The following SDK1 variants were observed in gnomAD, a reference collection of about 807,000 sequenced individuals.
SDK1 encodes protein sidekick-1.
Under a neutral mutation model 245.5 loss-of-function variants are expected in SDK1, and 157 were observed. The ratio of observed to expected loss-of-function variants is 0.64; its 90% CI spans 0.56 to 0.73. The LOEUF is 0.73. Among genes scored for constraint, SDK1 ranks in the 30% least tolerant of loss-of-function variants. The pLI, the probability that SDK1 is intolerant of heterozygous loss-of-function variation, is 0.00. For missense variants in SDK1, 3,583 were observed against 3,002.3 expected, an observed-to-expected ratio of 1.19 and a Z score of -4.52; for synonymous variants, 1,647 against 1,278.5, an observed-to-expected ratio of 1.29 and a Z score of -6.15.
chr7:3,950,865 G>A (rs1780781760), intron 5 of SDK1, 58 bp from the exon 6 acceptor site: 15 of 1,314,548 alleles, frequency 1.1e-5, no homozygotes, highest in African/African-American at 2.9e-5. Context: ...CTCAGATAAC[G>A]GCGGGGGGTG....
At chr7:3,495,960 A>C (rs974686696) in intron 1 of SDK1, among the ~76,000 whole-genome samples, 1 of 152,214 alleles carries the variant, frequency 6.6e-6, no homozygotes, top group African/African-American at 2.4e-5. Flanking sequence ...TTTTGCATAC[A>C]ACTAGAACAT....
chr7:4,045,831 ACTCATGGATTTCCTGTCGTT>A (rs1421783568), intron 17 of SDK1, among the ~76,000 whole-genome samples: 3 of 151,964 alleles, frequency 2.0e-5, no homozygotes, highest in African/African-American at 7.3e-5. Context: ...GGTTCTCTTC[ACTCATGGATTTCCTGTCGTT>A]CTATTGGCTT....
chr7:3,744,549 C>T (rs534028390), intron 4 of SDK1, among the ~76,000 whole-genome samples: 172 of 152,172 alleles, frequency 1.1e-3, no homozygotes, highest in Middle Eastern at 6.8e-3. Context: ...TGGTGGCTCA[C>T]GCCTGTAATC....
intron 10 of SDK1, 76 bp from the exon 11 acceptor site, chr7:3,969,181 T>C: frequency 1.5e-6 from 2 of 1,330,360 alleles, no homozygotes; most frequent in Non-Finnish European, 1.0e-6. Flanking sequence ...ATTACTTGCT[T>C]ATGGCTCTAA....
chr7:3,403,853 ATATATATATATATATAAT>A (rs1228177295), intron 1 of SDK1, among the ~76,000 whole-genome samples: 24 of 91,708 alleles, frequency 2.6e-4, no homozygotes, highest in African/African-American at 1.2e-3. Flanking sequence ...ATATATATAT[ATATATATATATATATAAT>A]ATATATATTT....
rs538780540 is a variant in SDK1, at chr7:3,940,971, A to T, written c.848-9952A>T. Among the ~76,000 whole-genome samples, 3 of 151,712 alleles carry T rather than the reference A, an allele frequency of 2.0e-5. No individual in the cohort carries two copies. In the South Asian group the frequency reaches 6.3e-4, roughly 32 times the overall value. ...ACCCCCTGAACCTGCGCACCTGGGT[A>T]CCCCGCAGGCACGTCTTAGGAAGCT... On this transcript the variant is annotated intron_variant, in intron 5 of 44. Transcript: ENST00000404826.
chr7:4,265,375 C>T lies in SDK1; in HGVS notation c.6633C>T (p.Ser2211=), dbSNP rs1788403735. 13 of 1,438,668 alleles carry T rather than the reference C, an allele frequency of 9.0e-6. No homozygotes were observed. Among genetic ancestry groups the T allele is most frequent in the South Asian group, 8.9e-5 (6 of 67,370 alleles). 89.1% of individuals were successfully genotyped at this position (1,438,668 alleles called of 1,614,324 possible). A position where few individuals can be genotyped will look rare whatever the true frequency, so the allele number is the denominator to read the frequency against. ...GARTPLTGFS[S]FV is the part of the protein sequence containing the mutation. ...GAACTCCGCTCACCGGCTTCTCCTC[C>T]TTCGTGTGAGCAAAGCGCCGCGCCT... Residue 2211 remains serine (S), a synonymous_variant, in exon 45 of 45, where the codon TCC becomes TCT. Transcript: ENST00000404826.
chr7:3,312,504 A>G (rs1779573730), intron 1 of SDK1, among the ~76,000 whole-genome samples: 1 of 152,220 alleles, frequency 6.6e-6, no homozygotes, highest in Non-Finnish European at 1.5e-5. Context: ...CAGATTAGAA[A>G]AATAACATGG....
intron 1 of SDK1, among the ~76,000 whole-genome samples, chr7:3,421,092 CTTT>C (rs570530094): frequency 2.9e-5 from 4 of 137,086 alleles, no homozygotes; most frequent in African/African-American, 1.1e-4. Flanking sequence ...CTGTACTCTC[CTTT>C]TTTTTTTTTT....
At chr7:3,479,421 CAAAAAA>C (rs56094646) in intron 1 of SDK1, among the ~76,000 whole-genome samples, 1 of 66,570 alleles carries the variant, frequency 1.5e-5, no homozygotes, top group Non-Finnish European at 2.7e-5. Context: ...GACTGTGTCT[CAAAAAA>C]AAAAAAAAAA....
At chr7:3,322,123 C>T (rs545208671) in intron 1 of SDK1, among the ~76,000 whole-genome samples, 14 of 151,776 alleles carry the variant, frequency 9.2e-5, no homozygotes, top group African/African-American at 1.5e-4. Flanking sequence ...CCTCTAGTTC[C>T]GGGACAGTTT....
chr7:3,369,329 G>C (rs887279478), intron 1 of SDK1, among the ~76,000 whole-genome samples: 2 of 152,102 alleles, frequency 1.3e-5, no homozygotes, highest in African/African-American at 2.4e-5. Flanking sequence ...ACGTGACCCA[G>C]TGCACCCACC....
At chr7:4,194,403 TATGCAC>T (rs1783455483) in intron 35 of SDK1, among the ~76,000 whole-genome samples, 1 of 118,304 alleles carries the variant, frequency 8.5e-6, no homozygotes, top group Non-Finnish European at 1.8e-5. Flanking sequence ...TACATATATG[TATGCAC>T]ATATGTGTAT....
rs758298351 is a variant in SDK1, at chr7:3,951,715, C to G, written c.960-15C>G. On this transcript the variant is annotated splice_polypyrimidine_tract_variant and intron_variant, in intron 6 of 44. Coordinates refer to ENST00000404826, the MANE Select transcript of SDK1 (RefSeq NM_152744.4). ...GAGTCACAATCGTCGTCATGAATGC[C>G]TTTCATTCCCACAGGCCTGTGGAGG... 7 of 1,611,042 alleles carry G rather than the reference C, an allele frequency of 4.3e-6. No homozygotes were observed. The African/African-American group carries it at 9.3e-5, about 22-fold the overall frequency.
intron 1 of SDK1, among the ~76,000 whole-genome samples, chr7:3,355,432 C>T (rs1583732672): frequency 6.6e-6 from 1 of 152,200 alleles, no homozygotes; most frequent in East Asian, 1.9e-4. Flanking sequence ...CTTCCTGCTG[C>T]CTCAGCCTCC....
chr7:4,112,998 C>A (rs946357654), intron 23 of SDK1, among the ~76,000 whole-genome samples: 11 of 152,128 alleles, frequency 7.2e-5, no homozygotes, highest in Admixed American at 2.0e-4. Flanking sequence ...AGGTGATCCC[C>A]CGCTGCCTCC....
chr7:3,911,598 C>T (rs1010984864), intron 5 of SDK1, among the ~76,000 whole-genome samples: 23 of 152,200 alleles, frequency 1.5e-4, no homozygotes, highest in African/African-American at 5.5e-4. Flanking sequence ...ATGCTATGAC[C>T]TTGGGTAGCA....
chr7:4,207,587 T>A (rs945550471), intron 36 of SDK1, among the ~76,000 whole-genome samples: 1 of 152,124 alleles, frequency 6.6e-6, no homozygotes, highest in Admixed American at 6.5e-5. Flanking sequence ...TGAGGAAAAC[T>A]TAGATGTCGG....
chr7:3,380,968 G>T (rs1319527317), intron 1 of SDK1, among the ~76,000 whole-genome samples: 4 of 152,142 alleles, frequency 2.6e-5, no homozygotes, highest in African/African-American at 9.7e-5. Flanking sequence ...TCAAACTGGA[G>T]CACATTGCTG....
Sources: allele counts gnomAD v4.1 joint callset (sites outside exome capture counted in the v4.1 genomes callset), GRCh38; gene constraint gnomAD v4.1.1; transcripts MANE v1.5; gene names NCBI Gene and HGNC (gene_info 2026-07-23, HGNC 2026-07-21).